Variants in ITGB5 observed in about 807,000 individuals in gnomAD.
The protein encoded by ITGB5 is integrin beta-5.
A neutral mutation model predicts 84.8 loss-of-function variants in ITGB5; 38 were observed. That is an observed-to-expected ratio of 0.45 (90% confidence interval 0.35 to 0.59). The LOEUF (loss-of-function observed/expected upper bound fraction) is 0.59. Among genes scored for constraint, ITGB5 ranks in the 20% least tolerant of loss-of-function variants. The pLI, the probability that ITGB5 is intolerant of heterozygous loss-of-function variation, is 0.01. For missense variants in ITGB5, 905 were observed against 1,034.5 expected (o/e 0.87, Z 1.72); for synonymous variants, 393 against 414.4 (o/e 0.95, Z 0.63).
intron 3 of ITGB5, among the ~76,000 whole-genome samples, chr3:124,857,888 C>T (rs1338046549): frequency 4.6e-5 from 7 of 152,096 alleles, no homozygotes; most frequent in Non-Finnish European, 1.0e-4. Context: ...AACCCCAGCA[C>T]TTTGGGAGGC....
intron 3 of ITGB5, among the ~76,000 whole-genome samples, chr3:124,856,797 C>T (rs1309330919): frequency 6.6e-6 from 1 of 152,196 alleles, no homozygotes; most frequent in Non-Finnish European, 1.5e-5. Context: ...ACCCTGGACC[C>T]TGAGTCTGTC....
intron 8 of ITGB5, among the ~76,000 whole-genome samples, chr3:124,811,922 T>G (rs2064509894): frequency 6.6e-6 from 1 of 152,176 alleles, no homozygotes; most frequent in Non-Finnish European, 1.5e-5. Context: ...TCCCCACACC[T>G]GATATGCACT....
chr3:124,846,325 T>C (rs2065076747), intron 4 of ITGB5, among the ~76,000 whole-genome samples: 2 of 151,864 alleles, frequency 1.3e-5, no homozygotes, highest in South Asian at 2.1e-4. Context: ...AGACCAAGAA[T>C]TGAGAATGGC....
chr3:124,891,022 T>TG (rs145610243), upstream of ITGB5, among the ~76,000 whole-genome samples: 3,469 of 152,266 alleles, frequency 0.023, 121 homozygotes, highest in African/African-American at 0.079. Context: ...TGGCTACTTC[T>TG]GGAACATTCC....
At position 124,779,001 on chromosome 3, in the gene ITGB5, G is replaced by A. The variant is rs906001032; in HGVS notation, c.1694-5089C>T. On this transcript the variant is annotated intron_variant, in intron 10 of 14. Coordinates refer to ENST00000296181, the MANE Select transcript of ITGB5 (RefSeq NM_002213.5). ...GGTCCCTAAACTTCTCTGATGATCC[G>A]TTTCCTCCTGTGTTGATGAGGATAA... is the stretch of plus-strand genomic sequence containing the variant. 6.6e-5 allele frequency among the ~76,000 whole-genome samples: 10 copies of A among 152,284 alleles called. No individual in the cohort carries two copies. The South Asian group carries it at 1.5e-3, about 22-fold the overall frequency.
chr3:124,854,775 A>G lies in ITGB5; in HGVS notation c.361+4467T>C, dbSNP rs546408791. ...TTTATGGTCTGTGAATTATATCTCA[A>G]TTTAAAAAAATAAAAAATGTCCTGC... On this transcript the variant is annotated intron_variant, in intron 3 of 14. Transcript: ENST00000296181. Among the ~76,000 whole-genome samples the G allele has an allele frequency of 7.2e-4, 109 of 152,288 alleles. No homozygotes were observed. In the Middle Eastern group the frequency reaches 0.017, roughly 24 times the overall value.
chr3:124,777,115 TAAG>T (rs1401125808), intron 10 of ITGB5, among the ~76,000 whole-genome samples: 1 of 152,094 alleles, frequency 6.6e-6, no homozygotes, highest in Non-Finnish European at 1.5e-5. Context: ...ACCTAGGGTA[TAAG>T]AAGAGGAGTC....
intron 10 of ITGB5, among the ~76,000 whole-genome samples, chr3:124,786,171 G>A (rs529556540): frequency 1.3e-5 from 2 of 152,212 alleles, no homozygotes; most frequent in Non-Finnish European, 2.9e-5. Context: ...TGCTCATGAT[G>A]AGTGCAAAAC....
At chr3:124,823,450 GAA>G (rs2064737421) in intron 5 of ITGB5, among the ~76,000 whole-genome samples, 1 of 151,714 alleles carries the variant, frequency 6.6e-6, no homozygotes, top group South Asian at 2.1e-4. Flanking sequence ...GAGAAGCCTA[GAA>G]GGTCCCTTAC....
intron 10 of ITGB5, among the ~76,000 whole-genome samples, chr3:124,775,313 AGT>A (rs1410009505): frequency 4.6e-5 from 7 of 151,258 alleles, no homozygotes; most frequent in Admixed American, 1.3e-4. Flanking sequence ...AGTGTGTACA[AGT>A]GTGAGTGTAT....
intron 2 of ITGB5, chr3:124,862,130 G>A (rs3772860): frequency 0.16 from 23,924 of 152,318 alleles, 1,973 homozygotes; most frequent in South Asian, 0.21. Context: ...TCTCACTGGC[G>A]AACTGAGCCT....
At chr3:124,859,192 A>G in intron 3 of ITGB5, 50 bp downstream of exon 3, 1 of 1,561,338 alleles carries the variant, frequency 6.4e-7, no homozygotes, top group South Asian at 1.1e-5. Context: ...CACCTCCCCC[A>G]TGGGCCTTCC....
At position 124,766,322 on chromosome 3, in the gene ITGB5, G is replaced by A; in HGVS notation, c.2041C>T (p.Leu681=). 1 of 1,614,134 alleles carries A rather than the reference G, an allele frequency of 6.2e-7. No individual in the cohort carries two copies. Among genetic ancestry groups the A allele is most frequent in the Non-Finnish European group, 8.5e-7 (1 of 1,180,008 alleles). The change falls in exon 13 of 15, where the codon CTA becomes TTA. Residue 681 remains leucine, a synonymous_variant. Transcript: ENST00000296181. Reference sequence around the variant, plus strand: ...TCCTTGGCGGTTTTGTAGAAACATAGCACAGCCTCCTGGTCATCTTTCACT... The same window carrying A: ...TCCTTGGCGGTTTTGTAGAAACATAACACAGCCTCCTGGTCATCTTTCACT... ...TIVKDDQEAV[L]CFYKTAKDCV...
intron 4 of ITGB5, among the ~76,000 whole-genome samples, chr3:124,846,461 T>C (rs112881171): frequency 1.1e-4 from 16 of 151,006 alleles, no homozygotes; most frequent in African/African-American, 3.4e-4. Context: ...AAAACGTTCA[T>C]TGTGTTGAGC....
At chr3:124,795,411 C>G (rs1383939160) in intron 10 of ITGB5, among the ~76,000 whole-genome samples, 3 of 152,002 alleles carry the variant, frequency 2.0e-5, no homozygotes, top group African/African-American at 4.8e-5. Context: ...ATTGCTTGAA[C>G]CTGGGAGGCA....
chr3:124,809,380 T>C, intron 8 of ITGB5: 3 of 529,896 alleles, frequency 5.7e-6, no homozygotes, highest in East Asian at 3.1e-5. Context: ...CTCTGTGAGT[T>C]TGGAGAAGTT....
At chr3:124,839,501 T>A (rs1318461339) in intron 5 of ITGB5, among the ~76,000 whole-genome samples, 1 of 152,168 alleles carries the variant, frequency 6.6e-6, no homozygotes, top group African/African-American at 2.4e-5. Context: ...CAGACACTGC[T>A]TAGGCCTGTA....
At chr3:124,804,933 C>G (rs1019220583) in intron 9 of ITGB5, among the ~76,000 whole-genome samples, 4 of 151,984 alleles carry the variant, frequency 2.6e-5, no homozygotes, top group African/African-American at 9.7e-5. Flanking sequence ...TCCCAAAGTG[C>G]TGGAATTACA....
intron 10 of ITGB5, among the ~76,000 whole-genome samples, chr3:124,789,395 G>A (rs148491791): frequency 0.23 from 30,934 of 136,842 alleles, 2,175 homozygotes; most frequent in African/African-American, 0.33. Context: ...AACCGCCTCT[G>A]ACTAGACAGG....
Sources: gnomAD v4.1 joint callset for allele counts (sites outside exome capture counted in the v4.1 genomes callset) on GRCh38, gnomAD v4.1.1 for gene constraint, MANE v1.5 for transcripts, NCBI Gene and HGNC (gene_info 2026-07-23, HGNC 2026-07-21) for gene names.